The following KCNJ3 variants were observed in gnomAD, a reference collection of about 807,000 sequenced individuals.
KCNJ3 encodes the protein G protein-activated inward rectifier potassium channel 1.
In KCNJ3, 4 loss-of-function variants were observed where a neutral mutation model predicts 39.2. The ratio of observed to expected loss-of-function variants is 0.10; its 90% CI spans 0.05 to 0.23. The LOEUF is 0.23. KCNJ3 is among the 10% of genes least tolerant of loss of function. The probability of loss-of-function intolerance (pLI) is 1.00; values close to 1 mark genes in which losing one functional copy is unlikely to be tolerated. For missense variants in KCNJ3, 276 were observed against 634.9 expected (o/e 0.43, Z 6.08); for synonymous variants, 230 against 237.4 (o/e 0.97, Z 0.29).
Position 154,761,098 on chromosome 2 carries a change from A to G in KCNJ3, c.919+51279A>G, listed in dbSNP as rs184160579. ...TTTTTTGTTGTAGAGACAGGATCTC[A>G]CTATGTTGCCCAGTCTAGCCTTTTA... On this transcript the variant is annotated intron_variant, in intron 2 of 2. Coordinates refer to ENST00000295101, the MANE Select transcript of KCNJ3 (RefSeq NM_002239.4). 6.3e-4 allele frequency among the ~76,000 whole-genome samples: 89 copies of G among 141,368 alleles called. 2 individuals are homozygous for G. In the East Asian group the frequency reaches 0.017, roughly 26 times the overall value. The allele number at this position is 141,368 out of a possible 152,430, so 92.7% of individuals were successfully genotyped here.
At chr2:154,787,327 T>A (rs372558205) in intron 2 of KCNJ3, among the ~76,000 whole-genome samples, 2 of 152,148 alleles carry the variant, frequency 1.3e-5, no homozygotes, top group East Asian at 3.9e-4. Flanking sequence ...TCAGTCTTTT[T>A]TTTTCTTTTT....
chr2:154,703,615 C>T (rs947228504), intron 1 of KCNJ3, among the ~76,000 whole-genome samples: 1 of 151,884 alleles, frequency 6.6e-6, no homozygotes, highest in African/African-American at 2.4e-5. Context: ...GTCTGAAAGA[C>T]CATATATGTC....
At chr2:154,725,274 C>A (rs1313347507) in intron 2 of KCNJ3, among the ~76,000 whole-genome samples, 1 of 150,324 alleles carries the variant, frequency 6.7e-6, no homozygotes, top group East Asian at 1.9e-4. Flanking sequence ...ATAGACACGT[C>A]CTCTACTACT....
At chr2:154,838,326 A>G (rs1450590313) in intron 2 of KCNJ3, among the ~76,000 whole-genome samples, 1 of 152,210 alleles carries the variant, frequency 6.6e-6, no homozygotes, top group East Asian at 1.9e-4. Flanking sequence ...ATAGCAGACT[A>G]GCATGGAGGT....
At chr2:154,836,883 A>G (rs563185265) in intron 2 of KCNJ3, among the ~76,000 whole-genome samples, 1 of 152,208 alleles carries the variant, frequency 6.6e-6, no homozygotes, top group Non-Finnish European at 1.5e-5. Flanking sequence ...AGGAGATGTT[A>G]AAAAATAGCC....
intron 2 of KCNJ3, among the ~76,000 whole-genome samples, chr2:154,799,476 G>T (rs1269395496): frequency 6.6e-6 from 1 of 152,158 alleles, no homozygotes; most frequent in Non-Finnish European, 1.5e-5. Context: ...GAAGGAGGAG[G>T]GGTGGTGGGG....
At chr2:154,788,086 GAGA>G (rs1264122476) in intron 2 of KCNJ3, among the ~76,000 whole-genome samples, 2 of 152,086 alleles carry the variant, frequency 1.3e-5, no homozygotes, top group Admixed American at 6.6e-5. Context: ...AAACTGAGCT[GAGA>G]AGATGTGCTT....
intron 2 of KCNJ3, among the ~76,000 whole-genome samples, chr2:154,714,330 TC>T (rs1379811664): frequency 1.3e-5 from 2 of 150,838 alleles, no homozygotes; most frequent in Non-Finnish European, 2.9e-5. Context: ...CATTACATTT[TC>T]CCCGCTTTCT....
intron 2 of KCNJ3, among the ~76,000 whole-genome samples, chr2:154,752,627 G>T (rs569947859): frequency 6.6e-6 from 1 of 152,060 alleles, no homozygotes; most frequent in African/African-American, 2.4e-5. Flanking sequence ...AAATTTTCAA[G>T]TGCACATTAT....
chr2:154,811,514 G>A (rs1483120021), intron 2 of KCNJ3, among the ~76,000 whole-genome samples: 2 of 151,986 alleles, frequency 1.3e-5, no homozygotes, highest in Non-Finnish European at 2.9e-5. Context: ...GGCTGGTCTC[G>A]AACTCCTGAC....
chr2:154,832,977 A>G (rs1687388547), intron 2 of KCNJ3, among the ~76,000 whole-genome samples: 1 of 152,204 alleles, frequency 6.6e-6, no homozygotes, highest in African/African-American at 2.4e-5. Flanking sequence ...AAATTTCAGA[A>G]CAACAAAAAT....
chr2:154,821,634 G>GTTTTTT (rs1397478625), intron 2 of KCNJ3, among the ~76,000 whole-genome samples: 2 of 82,510 alleles, frequency 2.4e-5, no homozygotes, highest in Non-Finnish European at 2.7e-5. Context: ...GAGAATATGT[G>GTTTTTT]ATTTTTTTTT....
intron 2 of KCNJ3, among the ~76,000 whole-genome samples, chr2:154,716,661 C>T (rs1685187128): frequency 6.6e-6 from 1 of 152,132 alleles, no homozygotes; most frequent in South Asian, 2.1e-4. Context: ...TTATATTTAA[C>T]TCAAGTGTTT....
intron 2 of KCNJ3, among the ~76,000 whole-genome samples, chr2:154,774,499 A>C (rs1031650500): frequency 6.6e-6 from 1 of 152,074 alleles, no homozygotes; most frequent in Non-Finnish European, 1.5e-5. Context: ...GTAATTTTTG[A>C]CAAAATTTTT....
At chr2:154,723,494 G>A (rs2105161458) in intron 2 of KCNJ3, among the ~76,000 whole-genome samples, 1 of 152,228 alleles carries the variant, frequency 6.6e-6, no homozygotes, top group South Asian at 2.1e-4. Context: ...AAAAAGGGAA[G>A]CTACCACAGG....
intron 2 of KCNJ3, among the ~76,000 whole-genome samples, chr2:154,722,733 G>T (rs930287210): frequency 1.3e-5 from 2 of 152,168 alleles, no homozygotes; most frequent in Admixed American, 1.3e-4. Flanking sequence ...TGGAGACAGT[G>T]TAAAATAGGG....
chr2:154,754,712 G>C (rs180918122), intron 2 of KCNJ3, among the ~76,000 whole-genome samples: 2 of 152,112 alleles, frequency 1.3e-5, no homozygotes, highest in African/African-American at 4.8e-5. Flanking sequence ...TTTTTCAGTG[G>C]AAGTTATATA....
chr2:154,730,942 T>A (rs552904588), intron 2 of KCNJ3, among the ~76,000 whole-genome samples: 49 of 152,232 alleles, frequency 3.2e-4, no homozygotes, highest in Non-Finnish European at 6.6e-4. Flanking sequence ...AAAAGTAATT[T>A]AGCATATTTT....
intron 2 of KCNJ3, among the ~76,000 whole-genome samples, chr2:154,798,186 C>CCA (rs797011279): frequency 4.6e-5 from 6 of 129,980 alleles, no homozygotes; most frequent in African/African-American, 1.8e-4. Flanking sequence ...CATTCGAACA[C>CCA]CGCACACACA....
Sources: allele counts gnomAD v4.1 joint callset (sites outside exome capture counted in the v4.1 genomes callset), GRCh38; gene constraint gnomAD v4.1.1; transcripts MANE v1.5; gene names NCBI Gene and HGNC (gene_info 2026-07-23, HGNC 2026-07-21).